OR1J2: variants seen among roughly 807,000 people sequenced by gnomAD.
OR1J2 encodes olfactory receptor family 1 subfamily J member 2.
For missense variants in OR1J2, 304 were observed against 246.1 expected (o/e 1.24, Z -1.57); for synonymous variants, 142 against 99.7 (o/e 1.42, Z -2.52).
At chr9:122,568,016 G>A in the OR1J2 span, 158 of 1,613,938 alleles carry the variant, frequency 9.8e-5, no homozygotes, top group Non-Finnish European at 1.3e-4. Flanking sequence ...GTGAGTGGAG[G>A]TGAGGAAATG....
At chr9:122,466,273 C>T in the OR1J2 span, among the ~76,000 whole-genome samples, 2 of 152,214 alleles carry the variant, frequency 1.3e-5, no homozygotes, top group East Asian at 3.9e-4. Flanking sequence ...TGAGGCTTTT[C>T]CTGAAACCTG....
At chr9:122,470,988 A>G in the OR1J2 span, among the ~76,000 whole-genome samples, 4 of 152,192 alleles carry the variant, frequency 2.6e-5, no homozygotes, top group South Asian at 6.2e-4. Context: ...TTACAGGCTC[A>G]TAGGAGGAAG....
At chr9:122,569,261 A>T in the OR1J2 span, among the ~76,000 whole-genome samples, 225 of 152,256 alleles carry the variant, frequency 1.5e-3, 2 homozygotes, top group African/African-American at 5.2e-3. Context: ...TCTCTGTCCT[A>T]AATCACATTT....
At chr9:122,502,268 A>G in the OR1J2 span, among the ~76,000 whole-genome samples, 2 of 152,194 alleles carry the variant, frequency 1.3e-5, no homozygotes, top group African/African-American at 2.4e-5. Flanking sequence ...ATGTCTTATT[A>G]CAGATTCTTG....
chr9:122,482,741 G>A, the OR1J2 span, among the ~76,000 whole-genome samples: 1 of 152,174 alleles, frequency 6.6e-6, no homozygotes, highest in Non-Finnish European at 1.5e-5. Context: ...ATTACGTTAA[G>A]TGAAATAAGT....
the OR1J2 span, among the ~76,000 whole-genome samples, chr9:122,523,972 T>C: frequency 1.3e-5 from 2 of 152,210 alleles, no homozygotes; most frequent in Non-Finnish European, 1.5e-5. Flanking sequence ...GGAATTATTT[T>C]AATGCTAACA....
At chr9:122,493,583 C>A in the OR1J2 span, among the ~76,000 whole-genome samples, 1 of 151,956 alleles carries the variant, frequency 6.6e-6, no homozygotes, top group Non-Finnish European at 1.5e-5. Context: ...TTATTTGGAT[C>A]TTCTCTCTTC....
At chr9:122,469,816 T>A in the OR1J2 span, among the ~76,000 whole-genome samples, 2 of 152,200 alleles carry the variant, frequency 1.3e-5, no homozygotes. Flanking sequence ...ACTCTTGTTA[T>A]GTTTTAGCAA....
At chr9:122,497,675 T>G in the OR1J2 span, among the ~76,000 whole-genome samples, 1 of 152,194 alleles carries the variant, frequency 6.6e-6, no homozygotes. Flanking sequence ...TCAGTTTTGC[T>G]CTGATTTTGC....
chr9:122,515,657 C>A (rs1828690673), downstream of OR1J2, among the ~76,000 whole-genome samples: 2 of 152,162 alleles, frequency 1.3e-5, 1 homozygote, highest in South Asian at 4.1e-4. Flanking sequence ...AGAGCCCTCT[C>A]TAATATTTCT....
chr9:122,477,899 A>G, the OR1J2 span: 1 of 1,609,028 alleles, frequency 6.2e-7, no homozygotes, highest in African/African-American at 1.3e-5. Context: ...AGGAACTCGG[A>G]CACGCTGCTC....
the OR1J2 span, among the ~76,000 whole-genome samples, chr9:122,556,462 A>C: frequency 6.6e-6 from 1 of 152,002 alleles, no homozygotes; most frequent in Admixed American, 6.6e-5. Flanking sequence ...TGTCAATGCC[A>C]CACTATCTTA....
At chr9:122,545,919 G>GAAAA in the OR1J2 span, among the ~76,000 whole-genome samples, 332 of 150,108 alleles carry the variant, frequency 2.2e-3, 1 homozygote, top group East Asian at 3.9e-3. Context: ...GCAAAAGAAT[G>GAAAA]AAAAAAAAAC....
At chr9:122,490,110 T>A in the OR1J2 span, among the ~76,000 whole-genome samples, 3 of 152,156 alleles carry the variant, frequency 2.0e-5, no homozygotes, top group African/African-American at 7.2e-5. Flanking sequence ...TTTTTCTACA[T>A]GTAAGCTTAA....
the OR1J2 span, among the ~76,000 whole-genome samples, chr9:122,574,187 G>A: frequency 6.6e-6 from 1 of 152,010 alleles, no homozygotes. Context: ...TGGCTACTCT[G>A]GGTCTTTTGC....
chr9:122,568,299 A>T, the OR1J2 span: 1 of 1,614,108 alleles, frequency 6.2e-7, no homozygotes, highest in Non-Finnish European at 8.5e-7. Flanking sequence ...GAAGAAATAC[A>T]TAGGGGTCTG....
chr9:122,500,661 T>G, the OR1J2 span, among the ~76,000 whole-genome samples: 5 of 152,160 alleles, frequency 3.3e-5, no homozygotes, highest in Admixed American at 2.0e-4. Flanking sequence ...GTTATGACGG[T>G]GAATGGTTCA....
upstream of OR1J2, chr9:122,510,674 G>A (rs1588189329): frequency 1.6e-6 from 1 of 609,282 alleles, no homozygotes; most frequent in Non-Finnish European, 2.9e-6. Flanking sequence ...ATAGGCCCCA[G>A]TGTGTGTTGT....
the OR1J2 span, among the ~76,000 whole-genome samples, chr9:122,456,628 A>G: frequency 6.6e-6 from 1 of 152,190 alleles, no homozygotes; most frequent in Non-Finnish European, 1.5e-5. Flanking sequence ...CACTAATCCA[A>G]CATCAGTGAT....
Sources: gnomAD v4.1 joint callset for allele counts (sites outside exome capture counted in the v4.1 genomes callset) on GRCh38, gnomAD v4.1.1 for gene constraint, MANE v1.5 for transcripts, NCBI Gene and HGNC (gene_info 2026-07-23, HGNC 2026-07-21) for gene names.